The following METTL15 variants were observed in gnomAD, a reference collection of about 807,000 sequenced individuals.
METTL15 encodes methyltransferase 15, mitochondrial 12S rRNA N4-cytidine, also known as 12S rRNA N(4)-cytidine methyltransferase METTL15.
In METTL15, 34 loss-of-function variants were observed where a neutral mutation model predicts 38.3. That is an observed-to-expected ratio of 0.89 (90% CI 0.68 to 1.18). The LOEUF is 1.18. Among genes scored for constraint, METTL15 ranks in the 50% most tolerant of loss-of-function variants. METTL15 has a pLI of 0.00. For synonymous variants in METTL15, 162 were observed against 170.9 expected (o/e 0.95, Z 0.41); for missense variants, 438 against 498.4 (o/e 0.88, Z 1.15).
At chr11:28,286,869 A>AGTAT (rs1456936937) in intron 4 of METTL15, among the ~76,000 whole-genome samples, 1 of 151,876 alleles carries the variant, frequency 6.6e-6, no homozygotes, top group East Asian at 1.9e-4. Flanking sequence ...CAGAACCAGT[A>AGTAT]GTATGTACAC....
chr11:28,114,852 T>C (rs1851873992), intron 3 of METTL15, among the ~76,000 whole-genome samples: 1 of 152,192 alleles, frequency 6.6e-6, no homozygotes, highest in Non-Finnish European at 1.5e-5. Flanking sequence ...TGTGACAAAC[T>C]GTTTCTCAGA....
chr11:28,245,600 A>AACT (rs1173303782), intron 4 of METTL15, among the ~76,000 whole-genome samples: 1 of 152,176 alleles, frequency 6.6e-6, no homozygotes, highest in East Asian at 1.9e-4. Flanking sequence ...AGGCATATAT[A>AACT]TACCTTTGGT....
At chr11:28,121,268 A>G (rs1852220971) in intron 3 of METTL15, among the ~76,000 whole-genome samples, 1 of 152,268 alleles carries the variant, frequency 6.6e-6, no homozygotes, top group Non-Finnish European at 1.5e-5. Flanking sequence ...GCACCAGTAT[A>G]GTGCTTGACT....
chr11:28,188,041 GGCTCAT>G (rs1851564468), intron 3 of METTL15, among the ~76,000 whole-genome samples: 3 of 151,120 alleles, frequency 2.0e-5, no homozygotes, highest in African/African-American at 7.3e-5. Context: ...CCTCACCCCT[GGCTCAT>G]GGCCAGTAGA....
At chr11:28,429,290 G>A (rs1850891035) in intron 6 of METTL15, among the ~76,000 whole-genome samples, 1 of 151,848 alleles carries the variant, frequency 6.6e-6, no homozygotes, top group Non-Finnish European at 1.5e-5. Flanking sequence ...CGAAAGTCAA[G>A]AGTAACTTGA....
chr11:28,205,461 A>G (rs190996581), intron 3 of METTL15, among the ~76,000 whole-genome samples: 2 of 152,266 alleles, frequency 1.3e-5, no homozygotes, highest in East Asian at 3.9e-4. Flanking sequence ...GCTGCATAGT[A>G]TTCCATGGTG....
intron 5 of METTL15, among the ~76,000 whole-genome samples, chr11:28,382,050 A>T (rs1264547341): frequency 6.6e-6 from 1 of 151,934 alleles, no homozygotes. Context: ...TTACCTGTGG[A>T]CCTTCTTTCT....
intron 5 of METTL15, among the ~76,000 whole-genome samples, chr11:28,375,618 C>T (rs1412461888): frequency 6.6e-6 from 1 of 152,036 alleles, no homozygotes; most frequent in Non-Finnish European, 1.5e-5. Context: ...AAAAAACCAG[C>T]TCCTGGTTTC....
intron 6 of METTL15, among the ~76,000 whole-genome samples, chr11:28,457,929 A>G (rs1482179438): frequency 2.6e-5 from 4 of 152,216 alleles, no homozygotes. Context: ...AAGTATGTCA[A>G]TTATGCTAGA....
chr11:28,111,766 G>T (rs1363444669), intron 2 of METTL15, among the ~76,000 whole-genome samples: 1 of 152,218 alleles, frequency 6.6e-6, no homozygotes, highest in African/African-American at 2.4e-5. Context: ...CGCATGTAGT[G>T]TGGTTATAAT....
chr11:28,521,571 T>C (rs1590402975), intron 6 of METTL15, among the ~76,000 whole-genome samples: 1 of 152,118 alleles, frequency 6.6e-6, no homozygotes, highest in Admixed American at 6.5e-5. Context: ...TATTTGATGT[T>C]TGTGGCCCTC....
In METTL15 at chr11:28,354,512, C is replaced by A. The variant is rs190905285; in HGVS notation, c.*258+2354C>A. Among the ~76,000 whole-genome samples the A allele has an allele frequency of 9.8e-4, 149 of 152,174 alleles. 2 individuals carry two copies. Among genetic ancestry groups the A allele is most frequent in the Admixed American group, 3.2e-3 (49 of 15,286 alleles). On this transcript the variant is annotated intron_variant and NMD_transcript_variant, in intron 4 of 7. Coordinates refer to the METTL15 transcript ENST00000532947. ...TTTTTAATATTTGAAAGATTCTATT[C>A]TGTTATTAGTCAGATATGGCTAGAA...
At chr11:28,111,383 T>C (rs1851712544) in intron 2 of METTL15, among the ~76,000 whole-genome samples, 1 of 152,212 alleles carries the variant, frequency 6.6e-6, no homozygotes, top group Admixed American at 6.5e-5. Flanking sequence ...GGGTAGGTTG[T>C]TCCAGAGTTC....
At chr11:28,218,275 T>A (rs751377724) in intron 4 of METTL15, among the ~76,000 whole-genome samples, 8 of 152,210 alleles carry the variant, frequency 5.3e-5, no homozygotes, top group Non-Finnish European at 8.8e-5. Flanking sequence ...GTGCTTCACA[T>A]CCCTTGTAAG....
chr11:28,320,962 G>A (rs1590320408), intron 6 of METTL15, among the ~76,000 whole-genome samples: 1 of 151,732 alleles, frequency 6.6e-6, no homozygotes, highest in East Asian at 1.9e-4. Flanking sequence ...ACTTCATTTC[G>A]GATGCTGAAA....
chr11:28,338,404 C>T (rs1849920727), downstream of METTL15, among the ~76,000 whole-genome samples: 1 of 152,120 alleles, frequency 6.6e-6, no homozygotes, highest in Non-Finnish European at 1.5e-5. Flanking sequence ...TAATCACCAT[C>T]TTTAGCTACC....
Position 28,487,449 on chromosome 11 carries a change from A to T in METTL15, c.*425-39029A>T, listed in dbSNP as rs145108499. 2.0e-3 allele frequency among the ~76,000 whole-genome samples: 298 copies of T among 152,262 alleles called. 1 individual carries two copies. Among genetic ancestry groups the T allele is most frequent in the African/African-American group, 6.9e-3 (285 of 41,564 alleles). ...TAAAAAACAGGTTACAAGTTAGCAT[A>T]TACACTGTGATTTATTCTACATACT... On this transcript the variant is annotated intron_variant and NMD_transcript_variant, in intron 6 of 7. Transcript: ENST00000532947.
intron 6 of METTL15, among the ~76,000 whole-genome samples, chr11:28,306,820 T>C (rs947133846): frequency 1.3e-5 from 2 of 151,778 alleles, no homozygotes; most frequent in East Asian, 3.9e-4. Flanking sequence ...GAAGAAAGAG[T>C]AGTTTTGATG....
intron 6 of METTL15, among the ~76,000 whole-genome samples, chr11:28,518,226 C>T (rs1223680745): frequency 6.6e-6 from 1 of 152,086 alleles, no homozygotes; most frequent in Non-Finnish European, 1.5e-5. Flanking sequence ...CTGTTGGATG[C>T]TAGAGACCCC....
Sources: allele counts gnomAD v4.1 joint callset (sites outside exome capture counted in the v4.1 genomes callset), GRCh38; gene constraint gnomAD v4.1.1; transcripts MANE v1.5; gene names NCBI Gene and HGNC (gene_info 2026-07-23, HGNC 2026-07-21).